The following UNC5B variants were observed in gnomAD, a reference collection of about 807,000 sequenced individuals.
The protein encoded by UNC5B is netrin receptor UNC5B.
UNC5B carries 56 observed loss-of-function variants against 103.7 expected under a neutral mutation model. The observed-to-expected ratio is 0.54, with a 90% CI of 0.44 to 0.67. UNC5B has a LOEUF of 0.67. Among genes scored for constraint, UNC5B ranks in the 30% least tolerant of loss-of-function variants. The pLI, the probability that UNC5B is intolerant of heterozygous loss-of-function variation, is 0.00. For synonymous variants in UNC5B, 577 were observed against 542.0 expected (o/e 1.06, Z -0.90); for missense variants, 1,194 against 1,284.5 (o/e 0.93, Z 1.08).
chr10:71,287,010 G>A lies in UNC5B; in HGVS notation c.733+141G>A, dbSNP rs576360192. 9 of 1,229,188 alleles carry A rather than the reference G, an allele frequency of 7.3e-6. 1 individual carries two copies. In the South Asian group the frequency reaches 1.4e-4, roughly 18 times the overall value. The allele number at this position is 1,229,188 out of a possible 1,614,324, so 76.1% of individuals were successfully genotyped here. ...AATTGACCAAGATCACAACACAGCA[G>A]AATTCATGGCCAAGTTGGGCATTCC... On this transcript the variant is annotated intron_variant, in intron 5 of 16. Coordinates refer to ENST00000335350, the MANE Select transcript of UNC5B (RefSeq NM_170744.5).
intron 1 of UNC5B, among the ~76,000 whole-genome samples, chr10:71,248,096 A>T (rs1356423426): frequency 7.2e-5 from 11 of 152,092 alleles, no homozygotes; most frequent in Admixed American, 7.2e-4. Context: ...GGCTTGTGGT[A>T]TCTCAGGGAA....
intron 1 of UNC5B, among the ~76,000 whole-genome samples, chr10:71,217,011 T>A (rs1203088267): frequency 6.6e-6 from 1 of 152,298 alleles, no homozygotes; most frequent in Admixed American, 6.5e-5. Flanking sequence ...GGCTGGGTCA[T>A]AGGCTGGGAC....
rs58235566 is a variant in UNC5B, at chr10:71,213,728, A to AGTGT, written c.79+695_79+698dup. On this transcript the variant is annotated intron_variant, in intron 1 of 16. Transcript: ENST00000335350. The surrounding 1 kb of genome is among the most constrained non-coding windows in gnomAD (Gnocchi z 4.1). ...ATTATTAATTTTCTGAGTGTTGGAG[A>AGTGT]GTGTGTGTGTGTGTGTGTGTGTGTG... 0.033 allele frequency among the ~76,000 whole-genome samples: 4,346 copies of AGTGT among 131,412 alleles called. 94 individuals carry two copies. The highest frequency in any genetic ancestry group is 0.068 in the East Asian group (302 of 4,468). 86.2% of individuals were successfully genotyped at this position (131,412 alleles called of 152,430 possible).
At chr10:71,289,426 T>G (rs1409632878) in intron 8 of UNC5B, among the ~76,000 whole-genome samples, 11 of 152,184 alleles carry the variant, frequency 7.2e-5, no homozygotes, top group Admixed American at 7.2e-4. Context: ...TGTACCTCTC[T>G]GCCCCAGCAG....
At chr10:71,218,791 C>G (rs1316462156) in intron 1 of UNC5B, among the ~76,000 whole-genome samples, 5 of 152,166 alleles carry the variant, frequency 3.3e-5, no homozygotes, top group Admixed American at 1.3e-4. Context: ...CCTGTCTCCC[C>G]CAAAGGGAGT....
intron 5 of UNC5B, 108 bp downstream of exon 5, chr10:71,286,977 G>T: frequency 2.8e-6 from 4 of 1,444,158 alleles, no homozygotes; most frequent in Non-Finnish European, 3.7e-6. Flanking sequence ...GCCCAGAGAG[G>T]GGAAGTGAAT....
At chr10:71,270,131 C>T (rs1249826425) in intron 1 of UNC5B, among the ~76,000 whole-genome samples, 1 of 152,046 alleles carries the variant, frequency 6.6e-6, no homozygotes, top group Non-Finnish European at 1.5e-5. Context: ...AGGTGGATCA[C>T]CTGAGGTCAG....
At chr10:71,239,667 T>C (rs1843852454) in intron 1 of UNC5B, among the ~76,000 whole-genome samples, 1 of 152,134 alleles carries the variant, frequency 6.6e-6, no homozygotes, top group Non-Finnish European at 1.5e-5. Flanking sequence ...TGTTCAGCAG[T>C]GCAAGAGCAG....
chr10:71,251,032 G>T (rs1844160344), intron 1 of UNC5B, among the ~76,000 whole-genome samples: 1 of 152,212 alleles, frequency 6.6e-6, no homozygotes, highest in Non-Finnish European at 1.5e-5. Flanking sequence ...ATCTGGCTCA[G>T]TTGGGTCAAT....
At chr10:71,252,673 T>C (rs997850456) in intron 1 of UNC5B, among the ~76,000 whole-genome samples, 1 of 152,278 alleles carries the variant, frequency 6.6e-6, no homozygotes, top group East Asian at 1.9e-4. Flanking sequence ...TCCCATCTTA[T>C]TGTGAAGGAA....
At chr10:71,292,357 C>G (rs112652710) in intron 10 of UNC5B, 110 bp from the exon 11 acceptor site, 2 of 939,824 alleles carry the variant, frequency 2.1e-6, no homozygotes, top group African/African-American at 3.3e-5. Context: ...CTGGGGACTA[C>G]CTGGAGCTCA....
intron 1 of UNC5B, among the ~76,000 whole-genome samples, chr10:71,215,181 C>G (rs1843305946): frequency 6.6e-6 from 1 of 152,240 alleles, no homozygotes; most frequent in African/African-American, 2.4e-5. Context: ...TTGGATCCTT[C>G]ACAAGCTCCA....
chr10:71,220,902 G>A (rs1843440101), intron 1 of UNC5B, among the ~76,000 whole-genome samples: 1 of 152,198 alleles, frequency 6.6e-6, no homozygotes, highest in Non-Finnish European at 1.5e-5. Flanking sequence ...CCCTAGGCAA[G>A]TGCCTTTCCC....
At chr10:71,235,301 C>T (rs1022051102) in intron 1 of UNC5B, among the ~76,000 whole-genome samples, 6 of 152,168 alleles carry the variant, frequency 3.9e-5, no homozygotes, top group South Asian at 2.1e-4. Flanking sequence ...CCTGCAGCCA[C>T]CAGCCCTTCT....
chr10:71,225,003 G>T (rs1352414927), intron 1 of UNC5B, among the ~76,000 whole-genome samples: 1 of 152,158 alleles, frequency 6.6e-6, no homozygotes, highest in African/African-American at 2.4e-5. Flanking sequence ...TCGTCTGAGG[G>T]TTATCAGCGA....
chr10:71,255,367 T>C (rs114208008), intron 1 of UNC5B, among the ~76,000 whole-genome samples: 89 of 152,324 alleles, frequency 5.8e-4, no homozygotes, highest in African/African-American at 2.0e-3. Flanking sequence ...CGTCACCAAG[T>C]TGTCATTCTC....
At position 71,212,846 on chromosome 10, in the gene UNC5B, C is replaced by T; in HGVS notation, c.-140C>T. ...CCGCGCAGCGTGGCTTCCGCTGCCC[C>T]CACGGAAGGCACGGGCTGGCGCTGC... On this transcript the variant is annotated 5_prime_UTR_variant, in exon 1 of 17. Coordinates refer to ENST00000335350, the MANE Select transcript of UNC5B (RefSeq NM_170744.5). The T allele has an allele frequency of 1.6e-6, 1 of 634,606 alleles. No homozygotes were observed. The highest frequency in any genetic ancestry group is 2.2e-6 in the Non-Finnish European group (1 of 446,122). 39.3% of individuals were successfully genotyped at this position (634,606 alleles called of 1,614,324 possible).
At chr10:71,263,999 G>T (rs1844470600) in intron 1 of UNC5B, among the ~76,000 whole-genome samples, 1 of 152,224 alleles carries the variant, frequency 6.6e-6, no homozygotes, top group Non-Finnish European at 1.5e-5. Flanking sequence ...AGGGAATGGG[G>T]AATGTTGAAC....
At chr10:71,289,912 G>A (rs1845201809) in intron 8 of UNC5B, among the ~76,000 whole-genome samples, 1 of 152,216 alleles carries the variant, frequency 6.6e-6, no homozygotes, top group South Asian at 2.1e-4. Context: ...AGTGCAGGGT[G>A]TGGAGGACTC....
Sources: allele counts gnomAD v4.1 joint callset (sites outside exome capture counted in the v4.1 genomes callset), GRCh38; gene constraint gnomAD v4.1.1; non-coding constraint Gnocchi (gnomAD v3.1); transcripts MANE v1.5; gene names NCBI Gene and HGNC (gene_info 2026-07-23, HGNC 2026-07-21).